Variants in ADK observed in about 807,000 individuals in gnomAD.
ADK encodes adenosine kinase, also known as N6,N6-dimethyladenosine kinase.
ADK carries 24 observed loss-of-function variants against 44.7 expected under a neutral mutation model. The ratio of observed to expected loss-of-function variants is 0.54; its 90% CI spans 0.39 to 0.76. ADK has a LOEUF of 0.76. Among genes scored for constraint, ADK ranks in the 30% least tolerant of loss-of-function variants. The pLI is 0.00. For missense variants in ADK, 321 were observed against 425.1 expected (o/e 0.76, Z 2.15); for synonymous variants, 128 against 142.6 (o/e 0.90, Z 0.73).
At chr10:74,370,398 T>C (rs574673250) in intron 4 of ADK, among the ~76,000 whole-genome samples, 2 of 152,294 alleles carry the variant, frequency 1.3e-5, no homozygotes, top group African/African-American at 4.8e-5. Flanking sequence ...GTACTGAACA[T>C]CTCTGAAAAG....
At position 74,381,942 on chromosome 10, in the gene ADK, G is replaced by A. The variant is rs558356069; in HGVS notation, c.274-12199G>A. ...AAAGTGTATACTAGAAAAAGTAAAG[G>A]AGAAGGATTTTCTCAATTCTTTTCT... On this transcript the variant is annotated intron_variant, in intron 4 of 10. Coordinates refer to ENST00000539909, the MANE Select transcript of ADK (RefSeq NM_006721.4). Among the ~76,000 whole-genome samples the A allele has an allele frequency of 4.6e-5, 7 of 152,256 alleles. No homozygotes were observed. In the South Asian group the frequency reaches 1.5e-3, roughly 32 times the overall value.
intron 6 of ADK, among the ~76,000 whole-genome samples, chr10:74,487,460 T>G (rs1317336332): frequency 6.6e-6 from 1 of 151,922 alleles, no homozygotes; most frequent in East Asian, 1.9e-4. Flanking sequence ...ATATTTCATT[T>G]TGTTTTTTTT....
At chr10:74,233,788 T>C (rs762566123) in intron 3 of ADK, among the ~76,000 whole-genome samples, 2 of 152,196 alleles carry the variant, frequency 1.3e-5, no homozygotes, top group African/African-American at 2.4e-5. Flanking sequence ...CCTCTGGGTA[T>C]AGCTTCTGAA....
At chr10:74,494,261 T>C (rs2133411850) in intron 6 of ADK, among the ~76,000 whole-genome samples, 1 of 152,278 alleles carries the variant, frequency 6.6e-6, no homozygotes, top group South Asian at 2.1e-4. Flanking sequence ...CCTATCCAGG[T>C]TAGATATTAT....
intron 3 of ADK, among the ~76,000 whole-genome samples, chr10:74,270,503 T>C (rs1846388058): frequency 6.6e-6 from 1 of 152,298 alleles, no homozygotes; most frequent in Middle Eastern, 3.4e-3. Flanking sequence ...TCTCAAGCCA[T>C]TGTTCCACCT....
intron 3 of ADK, among the ~76,000 whole-genome samples, chr10:74,240,384 G>C (rs1303888024): frequency 6.6e-6 from 1 of 151,426 alleles, no homozygotes; most frequent in East Asian, 1.9e-4. Context: ...GTGTGTGTGT[G>C]TGTGTGTGTG....
At chr10:74,423,054 C>T (rs905439886) in intron 6 of ADK, among the ~76,000 whole-genome samples, 4 of 152,018 alleles carry the variant, frequency 2.6e-5, no homozygotes, top group Admixed American at 6.6e-5. Flanking sequence ...GAGTCTGTTC[C>T]GCAAGAGGGA....
intron 4 of ADK, among the ~76,000 whole-genome samples, chr10:74,365,505 G>GT (rs1842470054): frequency 6.6e-6 from 1 of 152,106 alleles, no homozygotes; most frequent in Non-Finnish European, 1.5e-5. Flanking sequence ...TACCACATTT[G>GT]TTATTCATTC....
chr10:74,655,285 A>G, intron 9 of ADK: 2 of 457,128 alleles, frequency 4.4e-6, no homozygotes, highest in Non-Finnish European at 8.3e-6. Context: ...ATCTTTGAGA[A>G]GGGCCCAGCT....
chr10:74,338,341 C>T (rs1176256537), intron 4 of ADK, among the ~76,000 whole-genome samples: 1 of 152,114 alleles, frequency 6.6e-6, no homozygotes, highest in Admixed American at 6.6e-5. Flanking sequence ...CACAGCCACT[C>T]TGGAAAACAG....
intron 6 of ADK, among the ~76,000 whole-genome samples, chr10:74,433,974 A>G (rs1393613205): frequency 1.3e-5 from 2 of 152,168 alleles, no homozygotes; most frequent in Admixed American, 1.3e-4. Flanking sequence ...TATAAGTAAG[A>G]AAGTAGGAAA....
intron 9 of ADK, among the ~76,000 whole-genome samples, chr10:74,624,331 C>T (rs1258941293): frequency 2.0e-5 from 3 of 151,418 alleles, no homozygotes; most frequent in Non-Finnish European, 4.4e-5. Flanking sequence ...CTTTTCTCTG[C>T]TGTTGTTAAG....
intron 7 of ADK, among the ~76,000 whole-genome samples, chr10:74,547,991 A>G (rs1329015996): frequency 3.3e-5 from 5 of 149,978 alleles, no homozygotes; most frequent in Non-Finnish European, 5.9e-5. Context: ...ACTGGGTTTC[A>G]TCATGTTGGC....
chr10:74,686,769 C>T lies in ADK; in HGVS notation c.964+16500C>T, dbSNP rs7081474. On this transcript the variant is annotated intron_variant, in intron 10 of 10. Coordinates refer to ENST00000539909, the MANE Select transcript of ADK (RefSeq NM_006721.4). ...TCGGCTCACTGCAACCTCTGCCTCT[C>T]GGGTTCAAGCGATTACCCTGCCTCA... Among the ~76,000 whole-genome samples, 791 of 152,180 alleles carry T rather than the reference C, an allele frequency of 5.2e-3. 6 individuals carry two copies. Among genetic ancestry groups the T allele is most frequent in the South Asian group, 0.016 (78 of 4,798 alleles).
chr10:74,304,599 A>G (rs1278120711), intron 3 of ADK, among the ~76,000 whole-genome samples: 2 of 152,174 alleles, frequency 1.3e-5, no homozygotes, highest in African/African-American at 2.4e-5. Context: ...CTTTTTTACA[A>G]TGGATAAAAT....
At chr10:74,213,285 A>T (rs538099656) in intron 2 of ADK, among the ~76,000 whole-genome samples, 20 of 152,190 alleles carry the variant, frequency 1.3e-4, no homozygotes, top group African/African-American at 2.4e-4. Flanking sequence ...TTAAAAAAAA[A>T]TTTGTTTTTT....
intron 9 of ADK, among the ~76,000 whole-genome samples, chr10:74,657,898 A>G (rs2134157856): frequency 6.6e-6 from 1 of 152,344 alleles, no homozygotes; most frequent in South Asian, 2.1e-4. Flanking sequence ...CTTGGAGGCC[A>G]AGGACTATAG....
chr10:74,429,334 A>G (rs537212559), intron 6 of ADK, among the ~76,000 whole-genome samples: 5 of 152,346 alleles, frequency 3.3e-5, no homozygotes, highest in African/African-American at 1.2e-4. Flanking sequence ...TATGTTACCT[A>G]GGATCAATTT....
At chr10:74,451,067 CTTTTTTTTTTT>C (rs35120068) in intron 6 of ADK, among the ~76,000 whole-genome samples, 7 of 72,180 alleles carry the variant, frequency 9.7e-5, no homozygotes, top group Middle Eastern at 0.014. Flanking sequence ...GCTCTGCTGC[CTTTTTTTTTTT>C]TTTTTTTTTT....
Sources: allele counts gnomAD v4.1 joint callset (sites outside exome capture counted in the v4.1 genomes callset), GRCh38; gene constraint gnomAD v4.1.1; transcripts MANE v1.5; gene names NCBI Gene and HGNC (gene_info 2026-07-23, HGNC 2026-07-21).